CD80: variants seen among roughly 807,000 people sequenced by gnomAD.
The protein encoded by CD80 is T-lymphocyte activation antigen CD80.
CD80 carries 13 observed loss-of-function variants against 27.1 expected under a neutral mutation model. That is an observed-to-expected ratio of 0.48 (90% CI 0.31 to 0.76). CD80 has a LOEUF of 0.76. CD80 is among the 30% of genes least tolerant of loss of function. The pLI, the probability that CD80 is intolerant of heterozygous loss-of-function variation, is 0.04. For synonymous variants in CD80, 125 were observed against 125.5 expected (o/e 1.00, Z 0.03); for missense variants, 277 against 347.9 (o/e 0.80, Z 1.62).
chr3:119,558,274 T>G (rs2082274707), intron 1 of CD80, among the ~76,000 whole-genome samples: 2 of 152,232 alleles, frequency 1.3e-5, no homozygotes, highest in African/African-American at 4.8e-5. Context: ...AAGGGTGTAT[T>G]TTGTCCAAGG....
intron 4 of CD80, among the ~76,000 whole-genome samples, chr3:119,530,366 A>G (rs2082103130): frequency 6.6e-6 from 1 of 152,132 alleles, no homozygotes; most frequent in Non-Finnish European, 1.5e-5. Context: ...CTCTCAACAC[A>G]TACACATCAC....
Position 119,527,729 on chromosome 3 carries a change from C to T in CD80, c.*38+4G>A. 1 of 1,520,972 alleles carries T rather than the reference C, an allele frequency of 6.6e-7. No homozygotes were observed. Among genetic ancestry groups the T allele is most frequent in the Non-Finnish European group, 9.1e-7 (1 of 1,095,516 alleles). The allele number at this position is 1,520,972 out of a possible 1,614,324, so 94.2% of individuals were successfully genotyped here. On this transcript the variant is annotated splice_donor_region_variant and intron_variant, in intron 6 of 6. Coordinates refer to ENST00000264246, the MANE Select transcript of CD80 (RefSeq NM_005191.4). Reference sequence around the variant, plus strand: ...TGTATCCCAGAAGAGATGACGGAGGCTACCTTCAGATCTTTTCAGCCCCTT... The same window carrying T: ...TGTATCCCAGAAGAGATGACGGAGGTTACCTTCAGATCTTTTCAGCCCCTT...
intron 3 of CD80, among the ~76,000 whole-genome samples, chr3:119,539,185 C>T (rs1328508551): frequency 6.6e-6 from 1 of 151,942 alleles, no homozygotes; most frequent in African/African-American, 2.4e-5. Flanking sequence ...AGTAGACATG[C>T]TGTTTATTTA....
chr3:119,547,705 G>A (rs945046183), intron 2 of CD80, among the ~76,000 whole-genome samples: 6 of 152,142 alleles, frequency 3.9e-5, no homozygotes, highest in African/African-American at 9.7e-5. Flanking sequence ...GAGTAGAACC[G>A]GGTTGTCACT....
At position 119,555,673 on chromosome 3, in the gene CD80, C is replaced by T. The variant is rs573208208; in HGVS notation, c.100+1956G>A. 7.2e-5 allele frequency among the ~76,000 whole-genome samples: 11 copies of T among 152,366 alleles called. No homozygotes were observed. The East Asian group carries it at 1.2e-3, about 16-fold the overall frequency. ...GTGCCTGTGCCCTGCCTTCAAAGCA[C>T]GTGGCTTTGTTTGTTGGCCACACTT... On this transcript the variant is annotated intron_variant, in intron 2 of 6. Coordinates refer to ENST00000264246, the MANE Select transcript of CD80 (RefSeq NM_005191.4).
intron 2 of CD80, among the ~76,000 whole-genome samples, chr3:119,553,545 T>G (rs2082245841): frequency 6.6e-6 from 1 of 152,170 alleles, no homozygotes; most frequent in Non-Finnish European, 1.5e-5. Context: ...ACCCTCTCCG[T>G]GCAGCCTGGA....
At chr3:119,544,084 C>T (rs760774733) in intron 3 of CD80, among the ~76,000 whole-genome samples, 33 of 151,710 alleles carry the variant, frequency 2.2e-4, no homozygotes, top group East Asian at 3.9e-4. Flanking sequence ...GACGGAGTTT[C>T]GCTATGTTGG....
At chr3:119,540,419 T>C (rs2082161122) in intron 3 of CD80, among the ~76,000 whole-genome samples, 1 of 152,054 alleles carries the variant, frequency 6.6e-6, no homozygotes, top group Non-Finnish European at 1.5e-5. Context: ...AGAGGAAAAG[T>C]TGGATTTGGT....
At chr3:119,528,796 C>T (rs1403995189) in intron 5 of CD80, among the ~76,000 whole-genome samples, 8 of 151,722 alleles carry the variant, frequency 5.3e-5, no homozygotes, top group African/African-American at 1.7e-4. Flanking sequence ...CGTGGCAGCA[C>T]GCACCTGTAG....
At chr3:119,535,770 A>G (rs1018056595) in intron 4 of CD80, among the ~76,000 whole-genome samples, 2 of 151,970 alleles carry the variant, frequency 1.3e-5, no homozygotes, top group Non-Finnish European at 2.9e-5. Flanking sequence ...TTCGCCCACA[A>G]AAAAAAATTG....
rs146565694 is a variant in CD80, at chr3:119,550,921, C to T, written c.101-6054G>A. Among the ~76,000 whole-genome samples the T allele has an allele frequency of 4.7e-3, 721 of 152,286 alleles. 12 individuals are homozygous for T. Among genetic ancestry groups the T allele is most frequent in the East Asian group, 0.039 (202 of 5,188 alleles). On this transcript the variant is annotated intron_variant, in intron 2 of 6. Coordinates refer to ENST00000264246, the MANE Select transcript of CD80 (RefSeq NM_005191.4). ...GCCTTCCCTGACTCTCCTTGAACAG[C>T]GCCATCCTCCCTGCCCCCCTCCATC...
intron 4 of CD80, among the ~76,000 whole-genome samples, chr3:119,535,191 C>CA (rs56348025): frequency 0.053 from 4,534 of 84,878 alleles, 158 homozygotes; most frequent in African/African-American, 0.15. Flanking sequence ...GACTCCGTCT[C>CA]AAAAAAAAAA....
chr3:119,530,625 G>A (rs2082104270), intron 4 of CD80, among the ~76,000 whole-genome samples: 1 of 152,140 alleles, frequency 6.6e-6, no homozygotes, highest in South Asian at 2.1e-4. Flanking sequence ...GAGGAGAAAG[G>A]TGTTGGTGGA....
intron 3 of CD80, among the ~76,000 whole-genome samples, chr3:119,543,384 T>C (rs995617986): frequency 7.3e-5 from 11 of 149,898 alleles, no homozygotes; most frequent in African/African-American, 2.4e-4. Flanking sequence ...TAATTATGCA[T>C]CCAATTCTCT....
intron 4 of CD80, among the ~76,000 whole-genome samples, chr3:119,535,577 G>A (rs1042411081): frequency 9.9e-5 from 15 of 152,126 alleles, no homozygotes; most frequent in Admixed American, 3.3e-4. Context: ...TAAACCCATC[G>A]TTTTCATTGT....
At chr3:119,549,726 G>T (rs550828657) in intron 2 of CD80, among the ~76,000 whole-genome samples, 2 of 152,280 alleles carry the variant, frequency 1.3e-5, no homozygotes, top group South Asian at 2.1e-4. Flanking sequence ...ATGCAGAAAG[G>T]TCCAGGCACC....
At chr3:119,536,236 G>T (rs1466574849) in intron 4 of CD80, among the ~76,000 whole-genome samples, 1 of 152,040 alleles carries the variant, frequency 6.6e-6, no homozygotes, top group Non-Finnish European at 1.5e-5. Flanking sequence ...GGGCAACAGG[G>T]CGAGACACTG....
At chr3:119,525,821 T>C (rs1005153150) in intron 6 of CD80, 72 bp from the exon 7 acceptor site, 2 of 148,514 alleles carry the variant, frequency 1.3e-5, no homozygotes, top group Non-Finnish European at 3.0e-5. Context: ...AATTTATTTA[T>C]ATATTAAATT....
chr3:119,555,805 T>C (rs2082261316), intron 2 of CD80, among the ~76,000 whole-genome samples: 2 of 152,190 alleles, frequency 1.3e-5, no homozygotes, highest in Non-Finnish European at 2.9e-5. Context: ...AGTCTCTTGG[T>C]TTTAGGAGAT....
Sources: gnomAD v4.1 joint callset for allele counts (sites outside exome capture counted in the v4.1 genomes callset) on GRCh38, gnomAD v4.1.1 for gene constraint, MANE v1.5 for transcripts, NCBI Gene and HGNC (gene_info 2026-07-23, HGNC 2026-07-21) for gene names.